TBC1D32: variants seen among roughly 807,000 people sequenced by gnomAD.
TBC1D32 encodes the protein TBC1 domain family member 32.
In TBC1D32, 151 loss-of-function variants were observed where a neutral mutation model predicts 170.3. The observed-to-expected ratio is 0.89, with a 90% CI of 0.78 to 1.01. The LOEUF is 1.01. TBC1D32 is among the 50% of genes least tolerant of loss of function. TBC1D32 has a pLI of 0.00. For synonymous variants in TBC1D32, 498 were observed against 488.0 expected, an observed-to-expected ratio of 1.02 and a Z score of -0.27; for missense variants, 1,464 against 1,457.1, an observed-to-expected ratio of 1.00 and a Z score of -0.08.
At chr6:121,199,139 A>T (rs1791210404) in intron 22 of TBC1D32, among the ~76,000 whole-genome samples, 1 of 151,498 alleles carries the variant, frequency 6.6e-6, no homozygotes, top group South Asian at 2.1e-4. Context: ...CTATCCTTTG[A>T]CTTAGCAAGT....
intron 20 of TBC1D32, among the ~76,000 whole-genome samples, chr6:121,236,154 T>G (rs1796309099): frequency 6.6e-6 from 1 of 151,632 alleles, no homozygotes; most frequent in Non-Finnish European, 1.5e-5. Flanking sequence ...ATTGTAAAAT[T>G]TATGTATGAG....
intron 15 of TBC1D32, among the ~76,000 whole-genome samples, chr6:121,275,641 T>C (rs1014718573): frequency 1.3e-5 from 2 of 152,182 alleles, no homozygotes; most frequent in Admixed American, 6.5e-5. Flanking sequence ...TACCTCGTAC[T>C]TCCCATAGAC....
chr6:121,132,569 G>T (rs935049247), intron 24 of TBC1D32, among the ~76,000 whole-genome samples: 2 of 151,900 alleles, frequency 1.3e-5, no homozygotes, highest in Non-Finnish European at 2.9e-5. Context: ...GAACTCTCAT[G>T]CCATGTAAAA....
intron 30 of TBC1D32, among the ~76,000 whole-genome samples, chr6:121,094,246 C>T (rs1006729884): frequency 6.6e-6 from 1 of 151,920 alleles, no homozygotes; most frequent in Non-Finnish European, 1.5e-5. Context: ...CAGCTCACTG[C>T]AACCTCTGCC....
At chr6:121,320,169 GCTA>G (rs1175548025) in intron 2 of TBC1D32, among the ~76,000 whole-genome samples, 1 of 149,424 alleles carries the variant, frequency 6.7e-6, no homozygotes, top group Admixed American at 6.7e-5. Context: ...ATGTAGTGTT[GCTA>G]CATTAGCCCT....
Position 121,256,277 on chromosome 6 carries a change from C to T in TBC1D32, c.1742G>A (p.Gly581Asp). The stretch of plus-strand genomic sequence containing the variant: ...CGAAAACTGGGCAATTATATGAGCA[C>T]CTGTAGGACTAAAAGATGATACCTG... ...NMNSSEESPTGAHIIAQFSKK... is the reference protein window; with the variant it reads ...NMNSSEESPTDAHIIAQFSKK... The change falls in exon 16 of 32, where the codon GGT becomes GAT. Residue 581 changes from glycine to aspartate, a missense_variant. Gly to Asp is a moderately conservative substitution (Grantham distance 94). Transcript: ENST00000398212. 1.2e-6 allele frequency: 2 copies of T among 1,609,330 alleles called. No homozygotes were observed. The highest frequency in any genetic ancestry group is 1.1e-5 in the South Asian group (1 of 90,358).
chr6:121,269,960 A>G (rs1801125090), intron 15 of TBC1D32, among the ~76,000 whole-genome samples: 1 of 152,084 alleles, frequency 6.6e-6, no homozygotes, highest in Non-Finnish European at 1.5e-5. Context: ...TAAGAAACTC[A>G]CTCAAAACTG....
At chr6:121,329,542 C>T (rs1181175519) in intron 1 of TBC1D32, among the ~76,000 whole-genome samples, 3 of 152,056 alleles carry the variant, frequency 2.0e-5, no homozygotes, top group African/African-American at 7.2e-5. Flanking sequence ...ATCTTAGCTA[C>T]TTGGGAGGCT....
intron 22 of TBC1D32, among the ~76,000 whole-genome samples, chr6:121,196,151 C>T (rs190345472): frequency 5.4e-4 from 82 of 152,250 alleles, no homozygotes; most frequent in Non-Finnish European, 7.6e-4. Flanking sequence ...TAGGATGACC[C>T]GTTCTGTGGA....
chr6:121,242,856 T>C (rs908750565), intron 17 of TBC1D32, among the ~76,000 whole-genome samples: 5 of 152,110 alleles, frequency 3.3e-5, no homozygotes, highest in Admixed American at 2.0e-4. Flanking sequence ...AACATATATT[T>C]ATAAAACTAA....
chr6:121,305,219 C>T (rs1306933730), intron 5 of TBC1D32, among the ~76,000 whole-genome samples: 1 of 151,930 alleles, frequency 6.6e-6, no homozygotes, highest in Non-Finnish European at 1.5e-5. Context: ...TTTTTAATTG[C>T]TTACATGGGT....
chr6:121,159,976 A>C, intron 24 of TBC1D32, 34 bp downstream of exon 24: 1 of 1,395,134 alleles, frequency 7.2e-7, no homozygotes, highest in Admixed American at 1.9e-5. Context: ...AAAAGCTTTA[A>C]AAATAATATG....
intron 15 of TBC1D32, among the ~76,000 whole-genome samples, chr6:121,266,520 T>C (rs1054150078): frequency 1.3e-5 from 2 of 152,186 alleles, no homozygotes; most frequent in Non-Finnish European, 2.9e-5. Context: ...CTCAAGGATC[T>C]AGACGCAGAA....
chr6:121,113,966 G>A (rs1779447469), intron 27 of TBC1D32, among the ~76,000 whole-genome samples: 1 of 152,116 alleles, frequency 6.6e-6, no homozygotes, highest in African/African-American at 2.4e-5. Flanking sequence ...ATGAGGTCAG[G>A]AGTTTGAGAC....
At position 121,136,288 on chromosome 6, in the gene TBC1D32, G is replaced by A. The variant is rs1173338199; in HGVS notation, c.2774-4536C>T. Among the ~76,000 whole-genome samples the A allele has an allele frequency of 5.3e-5, 8 of 152,242 alleles. No individual in the cohort carries two copies. In the East Asian group the frequency reaches 1.2e-3, roughly 22 times the overall value. On this transcript the variant is annotated intron_variant, in intron 24 of 31. Transcript: ENST00000398212. ...CCTGGGTCAATCTCAAAAACATGATGCTAAGAGAAAGGAAACAGGTACAAA... is the reference window on the plus strand; with the variant it reads ...CCTGGGTCAATCTCAAAAACATGATACTAAGAGAAAGGAAACAGGTACAAA...
At chr6:121,151,583 C>G (rs1784216541) in intron 24 of TBC1D32, among the ~76,000 whole-genome samples, 1 of 152,152 alleles carries the variant, frequency 6.6e-6, no homozygotes, top group Admixed American at 6.5e-5. Flanking sequence ...GATCAACTGT[C>G]TAATATTGAC....
At chr6:121,102,878 C>G (rs1052517350) in intron 30 of TBC1D32, among the ~76,000 whole-genome samples, 1 of 152,038 alleles carries the variant, frequency 6.6e-6, no homozygotes, top group Admixed American at 6.6e-5. Context: ...ACAAAGAACT[C>G]AAACAAACTT....
chr6:121,329,908 C>T (rs905294909), intron 1 of TBC1D32, among the ~76,000 whole-genome samples: 1 of 151,944 alleles, frequency 6.6e-6, no homozygotes, highest in Non-Finnish European at 1.5e-5. Flanking sequence ...TCTCCTACAA[C>T]TTTTTAGGTC....
intron 22 of TBC1D32, among the ~76,000 whole-genome samples, chr6:121,200,632 C>T (rs1791422245): frequency 1.3e-5 from 2 of 151,492 alleles, no homozygotes; most frequent in Non-Finnish European, 2.9e-5. Context: ...ATAATACTCC[C>T]TTAGGAAACT....
Sources: gnomAD v4.1 joint callset for allele counts (sites outside exome capture counted in the v4.1 genomes callset) on GRCh38, gnomAD v4.1.1 for gene constraint, MANE v1.5 for transcripts, NCBI Gene and HGNC (gene_info 2026-07-23, HGNC 2026-07-21) for gene names.